Variants in GMDS observed in about 807,000 individuals in gnomAD.
GMDS encodes GDP-mannose 4,6-dehydratase, also known as GDP-mannose 4,6 dehydratase.
A neutral mutation model predicts 49.9 loss-of-function variants in GMDS; 20 were observed. The ratio of observed to expected loss-of-function variants is 0.40; its 90% CI spans 0.28 to 0.58. The LOEUF is 0.58. GMDS is among the 20% of genes least tolerant of loss of function. The pLI is 0.42. For missense variants in GMDS, 362 were observed against 481.4 expected, an observed-to-expected ratio of 0.75 and a Z score of 2.32; for synonymous variants, 177 against 178.6, an observed-to-expected ratio of 0.99 and a Z score of 0.07.
At chr6:1,930,309 G>A (rs1762231582) in intron 6 of GMDS, 79 bp from the exon 7 acceptor site, 17 of 1,185,316 alleles carry the variant, frequency 1.4e-5, no homozygotes, top group Non-Finnish European at 2.1e-5. Context: ...ACCCGATTTC[G>A]GCCTCTGGGC....
chr6:2,059,360 A>G (rs1404703686), intron 4 of GMDS, among the ~76,000 whole-genome samples: 1 of 151,984 alleles, frequency 6.6e-6, no homozygotes, highest in Admixed American at 6.5e-5. Flanking sequence ...AGAGCTCATT[A>G]TCATCCGCTT....
At chr6:2,110,550 T>G (rs1774489081) in intron 4 of GMDS, among the ~76,000 whole-genome samples, 1 of 152,166 alleles carries the variant, frequency 6.6e-6, no homozygotes, top group African/African-American at 2.4e-5. Flanking sequence ...CTCTGCCTCC[T>G]GACTGGCATC....
intron 1 of GMDS, among the ~76,000 whole-genome samples, chr6:2,128,989 G>T (rs1775594078): frequency 6.6e-6 from 1 of 152,202 alleles, no homozygotes; most frequent in Admixed American, 6.5e-5. Flanking sequence ...GGGCACCAGG[G>T]TCCCATGGGG....
chr6:2,049,216 T>C (rs1770213238), intron 4 of GMDS, among the ~76,000 whole-genome samples: 1 of 152,214 alleles, frequency 6.6e-6, no homozygotes, highest in Non-Finnish European at 1.5e-5. Context: ...CCAAAAATTA[T>C]GTATTATTCC....
intron 1 of GMDS, among the ~76,000 whole-genome samples, chr6:2,141,764 CA>C (rs1776299905): frequency 6.6e-6 from 1 of 152,152 alleles, no homozygotes; most frequent in Non-Finnish European, 1.5e-5. Context: ...AAACGGCCGG[CA>C]GCCACACACT....
intron 1 of GMDS, among the ~76,000 whole-genome samples, chr6:2,210,763 A>G (rs1780028170): frequency 6.6e-6 from 1 of 152,202 alleles, no homozygotes; most frequent in Non-Finnish European, 1.5e-5. Flanking sequence ...ATCACACCAC[A>G]TGTAGTTCAT....
chr6:1,834,256 T>G (rs560914797), intron 7 of GMDS, among the ~76,000 whole-genome samples: 22 of 152,330 alleles, frequency 1.4e-4, no homozygotes, highest in African/African-American at 5.3e-4. Context: ...TAAAAGAGAT[T>G]CCATTTAAAA....
chr6:2,185,961 C>T (rs1042078605), intron 1 of GMDS, among the ~76,000 whole-genome samples: 3 of 152,026 alleles, frequency 2.0e-5, no homozygotes, highest in Admixed American at 6.5e-5. Flanking sequence ...CTGAGAACCA[C>T]GCGTTTAGTA....
chr6:2,016,784 C>A (rs887846201), intron 4 of GMDS, among the ~76,000 whole-genome samples: 2 of 152,074 alleles, frequency 1.3e-5, no homozygotes, highest in Non-Finnish European at 2.9e-5. Flanking sequence ...AGAAAATATG[C>A]AAATATTTAG....
intron 7 of GMDS, among the ~76,000 whole-genome samples, chr6:1,848,207 G>T (rs1009632179): frequency 6.6e-6 from 1 of 151,960 alleles, no homozygotes. Context: ...CCAACGTACC[G>T]CCCCATTTCA....
At chr6:2,223,353 A>G (rs150106313) in intron 1 of GMDS, among the ~76,000 whole-genome samples, 1 of 152,164 alleles carries the variant, frequency 6.6e-6, no homozygotes, top group East Asian at 1.9e-4. Context: ...GGGACACTGG[A>G]GAGTTTACAC....
chr6:1,781,690 A>G (rs1210948175), intron 7 of GMDS, among the ~76,000 whole-genome samples: 1 of 152,216 alleles, frequency 6.6e-6, no homozygotes, highest in Non-Finnish European at 1.5e-5. Context: ...CGCTGTGAAT[A>G]TCCTCTGAAA....
intron 7 of GMDS, among the ~76,000 whole-genome samples, chr6:1,837,485 T>G (rs1756975266): frequency 6.6e-6 from 1 of 152,200 alleles, no homozygotes. Flanking sequence ...CGATGCTTAA[T>G]GGCACGACTC....
At chr6:1,844,540 T>C (rs1757298939) in intron 7 of GMDS, among the ~76,000 whole-genome samples, 1 of 152,224 alleles carries the variant, frequency 6.6e-6, no homozygotes, top group East Asian at 1.9e-4. Context: ...TGAGTTTTCC[T>C]AAAATCAATT....
chr6:1,955,522 C>A (rs1248427888), intron 6 of GMDS, among the ~76,000 whole-genome samples: 1 of 152,036 alleles, frequency 6.6e-6, no homozygotes, highest in African/African-American at 2.4e-5. Context: ...CTAAAGTGCT[C>A]CCATTTCATA....
At chr6:2,231,436 C>T (rs192003849) in intron 1 of GMDS, among the ~76,000 whole-genome samples, 290 of 152,120 alleles carry the variant, frequency 1.9e-3, no homozygotes, top group African/African-American at 6.6e-3. Context: ...TGGTAGAACC[C>T]ACCCAAAGTC....
intron 7 of GMDS, among the ~76,000 whole-genome samples, chr6:1,894,488 C>A (rs1760050088): frequency 6.6e-6 from 1 of 152,120 alleles, no homozygotes; most frequent in Non-Finnish European, 1.5e-5. Context: ...ATTAAGAGAA[C>A]AATAATGAAT....
At chr6:2,034,638 C>CA (rs761433055) in intron 4 of GMDS, among the ~76,000 whole-genome samples, 20 of 152,218 alleles carry the variant, frequency 1.3e-4, no homozygotes, top group Non-Finnish European at 2.8e-4. Context: ...CACAGGCCAA[C>CA]AGTGATCTAG....
chr6:1,761,174 G>A (rs1011756085), intron 7 of GMDS, among the ~76,000 whole-genome samples: 21 of 152,012 alleles, frequency 1.4e-4, no homozygotes, highest in African/African-American at 4.8e-4. Context: ...AATCAAGAGC[G>A]TACCTTGAAG....
Sources: gnomAD v4.1 joint callset for allele counts (sites outside exome capture counted in the v4.1 genomes callset) on GRCh38, gnomAD v4.1.1 for gene constraint, MANE v1.5 for transcripts, NCBI Gene and HGNC (gene_info 2026-07-23, HGNC 2026-07-21) for gene names.